Variants in MSRA observed in about 807,000 individuals in gnomAD.
The protein encoded by MSRA is methionine sulfoxide reductase A, also known as mitochondrial peptide methionine sulfoxide reductase.
MSRA carries 54 observed loss-of-function variants against 31.3 expected under a neutral mutation model. The ratio of observed to expected loss-of-function variants is 1.73; its 90% CI spans 1.39 to 2.17. MSRA has a LOEUF of 2.17. Among genes scored for constraint, MSRA ranks in the 30% most tolerant of loss-of-function variants. The pLI is 0.00. For missense variants in MSRA, 507 were observed against 300.9 expected (o/e 1.69, Z -5.07); for synonymous variants, 169 against 116.5 (o/e 1.45, Z -2.90).
At chr8:10,064,750 G>C (rs1387366142) in intron 1 of MSRA, among the ~76,000 whole-genome samples, 1 of 152,038 alleles carries the variant, frequency 6.6e-6, no homozygotes, top group Non-Finnish European at 1.5e-5. Flanking sequence ...TTTATACTTT[G>C]CATAGGTCAA....
intron 2 of MSRA, among the ~76,000 whole-genome samples, chr8:10,217,275 A>G (rs958651983): frequency 2.0e-5 from 3 of 152,226 alleles, no homozygotes; most frequent in African/African-American, 7.2e-5. Context: ...ATGGCACCCT[A>G]GGAGTGAGCG....
Position 10,252,590 on chromosome 8 carries a change from G to A in MSRA, c.331+7367G>A, listed in dbSNP as rs1010044391. Among the ~76,000 whole-genome samples, 3 of 152,128 alleles carry A rather than the reference G, an allele frequency of 2.0e-5. No individual in the cohort carries two copies. In the South Asian group the frequency reaches 6.2e-4, roughly 32 times the overall value. ...AAGGAAGTCATTGAACTGGGGAGTG[G>A]TATGCTTGCTCCCTCACCTCCCTCC... On this transcript the variant is annotated intron_variant, in intron 3 of 5. Transcript: ENST00000317173.
chr8:10,419,691 A>C (rs1188695124), intron 5 of MSRA, among the ~76,000 whole-genome samples: 1 of 152,198 alleles, frequency 6.6e-6, no homozygotes, highest in Non-Finnish European at 1.5e-5. Context: ...TCCTAGAATC[A>C]GGAGGTTACT....
chr8:10,282,914 C>G (rs968875236), intron 3 of MSRA, among the ~76,000 whole-genome samples: 2 of 152,122 alleles, frequency 1.3e-5, no homozygotes, highest in Non-Finnish European at 2.9e-5. Context: ...TAATTAGCCT[C>G]CTTCCACCTC....
At chr8:10,182,976 A>G (rs1035966996) in intron 1 of MSRA, among the ~76,000 whole-genome samples, 1 of 152,242 alleles carries the variant, frequency 6.6e-6, no homozygotes, top group African/African-American at 2.4e-5. Context: ...TTTGAAGCAG[A>G]TAATACTGTG....
chr8:10,378,171 T>C (rs1805859411), intron 5 of MSRA, among the ~76,000 whole-genome samples: 1 of 152,218 alleles, frequency 6.6e-6, no homozygotes, highest in Admixed American at 6.5e-5. Flanking sequence ...TAGTCTCAGC[T>C]CTGCCACAGG....
In MSRA at chr8:10,250,719, T is replaced by C. The variant is rs1797871744; in HGVS notation, c.331+5496T>C. 8 of 503,188 alleles carry C rather than the reference T, an allele frequency of 1.6e-5. No individual in the cohort carries two copies. The South Asian group carries it at 2.6e-4, about 16-fold the overall frequency. 31.2% of individuals were successfully genotyped at this position (503,188 alleles called of 1,614,324 possible). On this transcript the variant is annotated intron_variant, in intron 3 of 5. Transcript: ENST00000317173. ...GGTGGTGATGGAACTGACTGTATGG[T>C]CTGCAAAACCTAAAATATTTACTGT... is the stretch of plus-strand genomic sequence containing the variant.
chr8:10,234,926 A>G (rs1269192145), intron 2 of MSRA, among the ~76,000 whole-genome samples: 1 of 152,112 alleles, frequency 6.6e-6, no homozygotes, highest in Non-Finnish European at 1.5e-5. Flanking sequence ...TGTGTAAAAG[A>G]AAAACTGACA....
At chr8:10,191,578 G>C (rs1376283482) in intron 1 of MSRA, among the ~76,000 whole-genome samples, 1 of 152,190 alleles carries the variant, frequency 6.6e-6, no homozygotes, top group East Asian at 1.9e-4. Flanking sequence ...CTAGACTTTA[G>C]TGGTTCAGAA....
intron 1 of MSRA, among the ~76,000 whole-genome samples, chr8:10,160,902 A>T (rs150703469): frequency 1.3e-5 from 2 of 152,256 alleles, no homozygotes; most frequent in Non-Finnish European, 2.9e-5. Context: ...AAATTTACTT[A>T]TGTTCTAGAA....
chr8:10,384,744 A>G (rs1171890007), intron 5 of MSRA, among the ~76,000 whole-genome samples: 1 of 152,196 alleles, frequency 6.6e-6, no homozygotes, highest in East Asian at 1.9e-4. Context: ...ATGGTGGTTC[A>G]TGCCTGAAAT....
At chr8:10,099,074 A>G (rs17151069) in intron 1 of MSRA, among the ~76,000 whole-genome samples, 9,485 of 152,094 alleles carry the variant, frequency 0.062, 965 homozygotes, top group African/African-American at 0.21. Flanking sequence ...TTCACTTTCT[A>G]TATTCTAGTG....
At chr8:10,393,861 G>A (rs143857716) in intron 5 of MSRA, among the ~76,000 whole-genome samples, 1 of 152,266 alleles carries the variant, frequency 6.6e-6, no homozygotes, top group African/African-American at 2.4e-5. Context: ...CACTATTCAG[G>A]CTTTGTGCAT....
rs536763692 is a variant in MSRA, at chr8:10,176,791, C to T, written c.143-31042C>T. 3.3e-5 allele frequency among the ~76,000 whole-genome samples: 5 copies of T among 152,290 alleles called. No individual in the cohort carries two copies. The South Asian group carries it at 1.0e-3, about 32-fold the overall frequency. On this transcript the variant is annotated intron_variant, in intron 1 of 5. Transcript: ENST00000317173. ...GCTCAGAGCAGAACCTAGTCCCCAC[C>T]CAGGGCTCCTGCCATCACTCTCAGA...
chr8:10,345,130 A>G (rs1313272525), intron 5 of MSRA, among the ~76,000 whole-genome samples: 2 of 152,166 alleles, frequency 1.3e-5, no homozygotes, highest in African/African-American at 2.4e-5. Context: ...CCCCAATTCC[A>G]AGAGCTTATC....
At chr8:10,387,038 C>A (rs1806438115) in intron 5 of MSRA, among the ~76,000 whole-genome samples, 1 of 152,110 alleles carries the variant, frequency 6.6e-6, no homozygotes, top group African/African-American at 2.4e-5. Context: ...TCAGCAGGTC[C>A]AGGGTGGGGC....
chr8:10,386,306 A>T (rs1176484671), intron 5 of MSRA, among the ~76,000 whole-genome samples: 1 of 152,174 alleles, frequency 6.6e-6, no homozygotes, highest in African/African-American at 2.4e-5. Flanking sequence ...GTCCCATATT[A>T]GTTTCACACC....
chr8:10,256,518 T>G (rs1218085714), intron 3 of MSRA, among the ~76,000 whole-genome samples: 1 of 152,182 alleles, frequency 6.6e-6, no homozygotes, highest in African/African-American at 2.4e-5. Context: ...GAAATGAAGT[T>G]CTACCAGAGA....
intron 1 of MSRA, among the ~76,000 whole-genome samples, chr8:10,204,982 G>C (rs1808827752): frequency 6.6e-6 from 1 of 152,184 alleles, no homozygotes; most frequent in Admixed American, 6.5e-5. Context: ...TGCTGCAGAG[G>C]AAAGGCCCTT....
Sources: allele counts gnomAD v4.1 joint callset (sites outside exome capture counted in the v4.1 genomes callset), GRCh38; gene constraint gnomAD v4.1.1; transcripts MANE v1.5; gene names NCBI Gene and HGNC (gene_info 2026-07-23, HGNC 2026-07-21).